Variants in SP110 observed in about 807,000 individuals in gnomAD.
The protein encoded by SP110 is interferon-induced protein 41, 30kD.
Under a neutral mutation model 92.7 loss-of-function variants are expected in SP110, and 62 were observed. The ratio of observed to expected loss-of-function variants is 0.67; its 90% CI spans 0.55 to 0.83. The LOEUF is 0.83. SP110 is among the 40% of genes least tolerant of loss of function. The pLI, the probability that SP110 is intolerant of heterozygous loss-of-function variation, is 0.00. For synonymous variants in SP110, 273 were observed against 305.3 expected (o/e 0.89, Z 1.10); for missense variants, 793 against 863.9 (o/e 0.92, Z 1.03).
At chr2:230,195,681 A>T (rs1328876852) in intron 10 of SP110, among the ~76,000 whole-genome samples, 1 of 152,128 alleles carries the variant, frequency 6.6e-6, no homozygotes, top group Non-Finnish European at 1.5e-5. Context: ...ATTGTTATAA[A>T]CCATGGATAT....
rs1402790529 is a variant in SP110 at position 230,211,064 on chromosome 2, G to T, written c.751+406C>A. On this transcript the variant is annotated intron_variant, in intron 6 of 18. Coordinates refer to ENST00000258381, the MANE Select transcript of SP110 (RefSeq NM_080424.4). This position sits in a 1 kb window ranked among gnomAD's most constrained non-coding sequence, Gnocchi z 4.2. ...CTACTTTATTGAAGTGGCCTCAGAA[G>T]AGTGGCTCTGTCAAACAGTCCAGCC... is the stretch of plus-strand genomic sequence containing the variant. Among the ~76,000 whole-genome samples, 2 of 152,214 alleles carry T rather than the reference G, an allele frequency of 1.3e-5. No individual in the cohort carries two copies. Among genetic ancestry groups the T allele is most frequent in the East Asian group, 1.9e-4 (1 of 5,192 alleles).
chr2:230,179,491 G>A (rs1400096504), intron 12 of SP110, among the ~76,000 whole-genome samples: 4 of 147,728 alleles, frequency 2.7e-5, no homozygotes, highest in African/African-American at 2.5e-5. Context: ...TGGGGGGCAG[G>A]GAGGAGTGGG....
Position 230,172,148 on chromosome 2 carries a change from C to T in SP110, c.1733G>A (p.Arg578Lys), listed in dbSNP as rs2106348583. ...KRMLWSCTFC[R>K]MKRSSGSQQC... ...TTGGCTTCCTGAAGACCTCTTCATC[C>T]TGCAGAAGGTGCAACTCCACAGCAT... Residue 578 changes from arginine to lysine, a missense_variant, in exon 16 of 19, where the codon AGG becomes AAG. Arg to Lys is a conservative substitution (Grantham distance 26). Transcript: ENST00000258381. 1 of 1,612,736 alleles carries T rather than the reference C, an allele frequency of 6.2e-7. No homozygotes were observed. Among genetic ancestry groups the T allele is most frequent in the African/African-American group, 1.3e-5 (1 of 75,026 alleles).
intron 11 of SP110, among the ~76,000 whole-genome samples, chr2:230,184,780 AATTT>A (rs2042281958): frequency 6.6e-6 from 1 of 152,214 alleles, no homozygotes; most frequent in Non-Finnish European, 1.5e-5. Flanking sequence ...TCCAATGTCA[AATTT>A]ATTTAAAAAA....
chr2:230,213,131 C>CAAT, intron 3 of SP110, 104 bp from the exon 4 acceptor site: 2 of 1,097,970 alleles, frequency 1.8e-6, no homozygotes, highest in Non-Finnish European at 1.4e-6. Context: ...GGGCATGGAG[C>CAAT]TATTCATTGT....
chr2:230,199,303 G>T (rs1308199591), intron 10 of SP110, among the ~76,000 whole-genome samples: 1 of 147,572 alleles, frequency 6.8e-6, no homozygotes, highest in Non-Finnish European at 1.5e-5. Context: ...CTGCCTCCTG[G>T]GTTCAAGCGA....
intron 10 of SP110, 122 bp from the exon 11 acceptor site, chr2:230,186,265 T>A: frequency 1.1e-6 from 1 of 946,882 alleles, no homozygotes; most frequent in Non-Finnish European, 1.6e-6. Flanking sequence ...TGTATCTTTC[T>A]TCCCCCCAGA....
chr2:230,220,022 AAAG>A (rs2045667667), upstream of SP110: 1 of 985,482 alleles, frequency 1.0e-6, no homozygotes, highest in Non-Finnish European at 1.2e-6. Context: ...GCTTCCGAGA[AAAG>A]AAAAGTGAAA....
intron 9 of SP110, 48 bp downstream of exon 9, chr2:230,202,531 C>G: frequency 6.3e-7 from 1 of 1,593,422 alleles, no homozygotes; most frequent in Non-Finnish European, 8.6e-7. Context: ...CAGGAGAGAC[C>G]CTCCCACACT....
In SP110 at chr2:230,211,471, T is replaced by C; in HGVS notation, c.750A>G (p.Pro250=). The C allele has an allele frequency of 1.3e-6, 2 of 1,586,376 alleles. No individual in the cohort carries two copies. The highest frequency in any genetic ancestry group is 1.7e-4 in the Middle Eastern group (1 of 6,014). ...TTAGGTTGACCAAACCAAGATTACC[T>C]GGCATAGAGCCCAAGGGAGAGTGGG... is the stretch of plus-strand genomic sequence containing the variant. ...EMPHSPLGSM[P]EIRDNSPEPN... is the part of the protein sequence containing the mutation. The change falls in exon 6 of 19, where the codon CCA becomes CCG. Residue 250 remains proline, a splice_region_variant and synonymous_variant. Transcript: ENST00000258381. The surrounding 1 kb of genome is among the most constrained non-coding windows in gnomAD (Gnocchi z 4.2).
At chr2:230,174,531 A>C (rs115074418) in intron 14 of SP110, among the ~76,000 whole-genome samples, 1 of 152,106 alleles carries the variant, frequency 6.6e-6, no homozygotes, top group Non-Finnish European at 1.5e-5. Context: ...CATGATGGCC[A>C]TGGGCTTCTG....
chr2:230,212,494 T>C, intron 4 of SP110, 64 bp from the exon 5 acceptor site: 2 of 1,326,120 alleles, frequency 1.5e-6, no homozygotes, highest in Non-Finnish European at 2.2e-6. Flanking sequence ...AGAGTGAATG[T>C]TAAAAGTGCC....
intron 14 of SP110, among the ~76,000 whole-genome samples, chr2:230,175,512 C>T (rs1314188387): frequency 6.6e-6 from 1 of 152,146 alleles, no homozygotes; most frequent in Non-Finnish European, 1.5e-5. Context: ...TATTTCAGAC[C>T]AGCATGGGAA....
rs140934244 is a variant in SP110 at position 230,179,707 on chromosome 2, C to G, written c.1349-1452G>C. 9.2e-5 allele frequency among the ~76,000 whole-genome samples: 14 copies of G among 152,112 alleles called. No homozygotes were observed. In the East Asian group the frequency reaches 2.7e-3, roughly 29 times the overall value. ...TGGGGACCTTCCCTTCTACAGTTCT[C>G]TGTCTCCACAGAAATGTCTTCTCTA... On this transcript the variant is annotated intron_variant, in intron 12 of 18. Coordinates refer to ENST00000258381, the MANE Select transcript of SP110 (RefSeq NM_080424.4).
In SP110 at chr2:230,202,637, C is replaced by G. The variant is rs200470534; in HGVS notation, c.990G>C (p.Thr330=). 1.1e-5 allele frequency: 17 copies of G among 1,613,942 alleles called. No individual in the cohort carries two copies. Among genetic ancestry groups the G allele is most frequent in the Admixed American group, 1.7e-5 (1 of 59,994 alleles). Residue 330 remains threonine, a synonymous_variant, in exon 9 of 19, where the codon ACG becomes ACC. Transcript: ENST00000258381. ...TCGCCTTTTGGGCCCTTGTCTCTAC[C>G]GTGGAGTTACAAGTTGAGTCATCTT... ...QKKDDSTCNS[T]VETRAQKART... is the part of the protein sequence containing the mutation.
At chr2:230,186,425 G>C (rs181167321) in intron 10 of SP110, among the ~76,000 whole-genome samples, 8 of 152,220 alleles carry the variant, frequency 5.3e-5, no homozygotes, top group African/African-American at 1.9e-4. Context: ...ACAGATACCT[G>C]GCCCACACCT....
Position 230,200,640 on chromosome 2 carries a change from T to C in SP110, c.1129+245A>G, listed in dbSNP as rs73100094. 3,426 of 548,738 alleles carry C rather than the reference T, an allele frequency of 6.2e-3. 80 individuals carry two copies. The highest frequency in any genetic ancestry group is 0.058 in the African/African-American group (3,055 of 52,712). 34.0% of individuals were successfully genotyped at this position (548,738 alleles called of 1,614,324 possible). ...AGTGGAAAAACTCATTCTTGAGTGC[T>C]GAGAAAAATCTTATATAGTGCAGAT... is the stretch of plus-strand genomic sequence containing the variant. On this transcript the variant is annotated intron_variant, in intron 10 of 18. Coordinates refer to ENST00000258381, the MANE Select transcript of SP110 (RefSeq NM_080424.4).
intron 1 of SP110, among the ~76,000 whole-genome samples, chr2:230,219,211 C>T (rs190632119): frequency 2.0e-5 from 3 of 152,136 alleles, no homozygotes; most frequent in East Asian, 1.9e-4. Flanking sequence ...GGTGACAGAG[C>T]GAGACTCCGT....
chr2:230,200,966 C>G lies in SP110; in HGVS notation c.1049-1G>C. ...ATTTCTGAAGTGCCATCAATGATCT[C>G]TGGAAAATGAAAGATCTTAGTAAAT... On this transcript the variant is annotated splice_acceptor_variant, in intron 9 of 18. Transcript: ENST00000258381. LOFTEE classifies it high-confidence loss of function. 6.2e-7 allele frequency: 1 copy of G among 1,611,938 alleles called. No individual in the cohort carries two copies. The highest frequency in any genetic ancestry group is 8.5e-7 in the Non-Finnish European group (1 of 1,177,990).
Sources: gnomAD v4.1 joint callset for allele counts (sites outside exome capture counted in the v4.1 genomes callset) on GRCh38, gnomAD v4.1.1 for gene constraint, Gnocchi (gnomAD v3.1) non-coding constraint, MANE v1.5 for transcripts, NCBI Gene and HGNC (gene_info 2026-07-23, HGNC 2026-07-21) for gene names.